PLCG2: variants seen among roughly 807,000 people sequenced by gnomAD.
The protein encoded by PLCG2 is phospholipase C gamma 2, also known as 1-phosphatidylinositol 4,5-bisphosphate phosphodiesterase gamma-2.
A neutral mutation model predicts 175.6 loss-of-function variants in PLCG2; 69 were observed. The ratio of observed to expected loss-of-function variants is 0.39; its 90% CI spans 0.32 to 0.48. PLCG2 has a LOEUF of 0.48. Ranked by LOEUF, PLCG2 falls within the 20% of genes least tolerant of loss-of-function variation. The pLI is 0.91. For missense variants in PLCG2, 1,798 were observed against 1,650.9 expected (o/e 1.09, Z -1.54); for synonymous variants, 827 against 624.0 (o/e 1.33, Z -4.85).
intron 13 of PLCG2, among the ~76,000 whole-genome samples, chr16:81,900,398 T>G (rs1207431751): frequency 2.6e-5 from 4 of 152,238 alleles, no homozygotes; most frequent in African/African-American, 9.6e-5. Context: ...ATGGGGAAGC[T>G]CCTGAATCAG....
In PLCG2 at chr16:81,961,345, G is replaced by C. The variant is rs1265364051; in HGVS notation, c.*3347G>C. The C allele has an allele frequency of 4.4e-6, 1 of 225,662 alleles. No homozygotes were observed. Among genetic ancestry groups the C allele is most frequent in the African/African-American group, 2.2e-5 (1 of 44,898 alleles). 14.0% of individuals were successfully genotyped at this position (225,662 alleles called of 1,614,324 possible). A position where few individuals can be genotyped will look rare whatever the true frequency, so the allele number is the denominator to read the frequency against. Reference sequence around the variant, plus strand: ...CAATCTACATAGATGAAATAATTGTGGAGAAAAGCCCTCTTTATCTCATTA... The same window carrying C: ...CAATCTACATAGATGAAATAATTGTCGAGAAAAGCCCTCTTTATCTCATTA... On this transcript the variant is annotated 3_prime_UTR_variant, in exon 33 of 33. Transcript: ENST00000564138.
At chr16:81,942,527 C>T (rs1427848813) in intron 30 of PLCG2, among the ~76,000 whole-genome samples, 2 of 152,196 alleles carry the variant, frequency 1.3e-5, no homozygotes, top group Non-Finnish European at 2.9e-5. Context: ...ATAAACTTCA[C>T]CCATTGTCAT....
chr16:81,803,197 C>G (rs976342751), intron 2 of PLCG2, among the ~76,000 whole-genome samples: 1 of 148,472 alleles, frequency 6.7e-6, no homozygotes, highest in East Asian at 2.1e-4. Context: ...CGGCTCACTG[C>G]AAGCTCTGCC....
chr16:81,928,527 C>G (rs1285179149), intron 23 of PLCG2, 31 bp from the exon 24 acceptor site: 1 of 1,406,342 alleles, frequency 7.1e-7, no homozygotes, highest in Admixed American at 1.7e-5. Flanking sequence ...CCCGTTACAA[C>G]TAACGTGAGT....
chr16:81,925,135 GA>G (rs1910210186), intron 22 of PLCG2, among the ~76,000 whole-genome samples: 1 of 152,242 alleles, frequency 6.6e-6, no homozygotes, highest in African/African-American at 2.4e-5. Context: ...GCAGTTCTCT[GA>G]ATTTCGAAGG....
At chr16:81,874,855 A>G (rs1045332696) in intron 7 of PLCG2, among the ~76,000 whole-genome samples, 1 of 150,896 alleles carries the variant, frequency 6.6e-6, no homozygotes, top group African/African-American at 2.4e-5. Flanking sequence ...GTGAGGGGAT[A>G]TACCTCTAAC....
At chr16:81,775,796 A>G (rs929652408), upstream of PLCG2, among the ~76,000 whole-genome samples, 10 of 152,216 alleles carry the variant, frequency 6.6e-5, no homozygotes, top group African/African-American at 2.2e-4. Flanking sequence ...TTTGTAGGAA[A>G]AGGAAAAGAA....
chr16:81,778,032 CAA>C (rs566484508), upstream of PLCG2, among the ~76,000 whole-genome samples: 2 of 58,710 alleles, frequency 3.4e-5, no homozygotes, highest in Non-Finnish European at 5.8e-5. Context: ...AAAAAAAAAA[CAA>C]AAAAAAAACA....
intron 9 of PLCG2, among the ~76,000 whole-genome samples, chr16:81,886,274 A>T (rs1409530775): frequency 6.6e-6 from 1 of 152,204 alleles, no homozygotes; most frequent in Non-Finnish European, 1.5e-5. Flanking sequence ...TGGGGCCAGG[A>T]GAAAGTGTAG....
chr16:81,810,631 C>T (rs540680790), intron 2 of PLCG2, among the ~76,000 whole-genome samples: 1 of 118,324 alleles, frequency 8.5e-6, no homozygotes, highest in African/African-American at 3.2e-5. Flanking sequence ...GCCTTATTTT[C>T]TGCAATTTCT....
chr16:81,802,149 T>C (rs997313132), intron 2 of PLCG2, among the ~76,000 whole-genome samples: 4 of 125,568 alleles, frequency 3.2e-5, no homozygotes, highest in African/African-American at 1.2e-4. Flanking sequence ...ATCTCGCTCT[T>C]TCGCCCAGGC....
chr16:81,757,996 G>A (rs775824833), intron 2 of PLCG2, among the ~76,000 whole-genome samples: 2 of 151,996 alleles, frequency 1.3e-5, no homozygotes, highest in African/African-American at 2.4e-5. Context: ...TGTTTTTTGA[G>A]GCACTGTCTC....
intron 2 of PLCG2, among the ~76,000 whole-genome samples, chr16:81,762,378 G>A (rs149267608): frequency 5.9e-5 from 9 of 151,980 alleles, no homozygotes; most frequent in Non-Finnish European, 1.2e-4. Flanking sequence ...AGACCAGCCT[G>A]GCCAACATGG....
intron 1 of PLCG2, among the ~76,000 whole-genome samples, chr16:81,742,847 T>C (rs922580911): frequency 6.6e-6 from 1 of 152,216 alleles, no homozygotes; most frequent in Non-Finnish European, 1.5e-5. Context: ...TCCTCCCAGC[T>C]TTGAAGTTCT....
intron 5 of PLCG2, among the ~76,000 whole-genome samples, chr16:81,868,898 T>C (rs1347896269): frequency 1.3e-5 from 2 of 152,124 alleles, no homozygotes; most frequent in Non-Finnish European, 2.9e-5. Context: ...GGCATCACTG[T>C]ACGCTATAAA....
chr16:81,782,506 G>T (rs568498394), intron 1 of PLCG2, among the ~76,000 whole-genome samples: 1 of 152,232 alleles, frequency 6.6e-6, no homozygotes, highest in Non-Finnish European at 1.5e-5. Flanking sequence ...TTGATAAAGC[G>T]TGGAACGCTG....
At chr16:81,810,849 A>C (rs539697597) in intron 2 of PLCG2, among the ~76,000 whole-genome samples, 1 of 152,292 alleles carries the variant, frequency 6.6e-6, no homozygotes, top group South Asian at 2.1e-4. Context: ...GGGAGAGGCA[A>C]GCACAACATT....
In PLCG2 at chr16:81,962,147, C is replaced by T. The variant is rs568339845; in HGVS notation, c.*4149C>T. 13 of 185,876 alleles carry T rather than the reference C, an allele frequency of 7.0e-5. No homozygotes were observed. Among genetic ancestry groups the T allele is most frequent in the Admixed American group, 4.4e-4 (7 of 16,056 alleles). The allele number at this position is 185,876 out of a possible 1,614,324, so 11.5% of individuals were successfully genotyped here. On this transcript the variant is annotated 3_prime_UTR_variant, in exon 33 of 33. Coordinates refer to ENST00000564138, the MANE Select transcript of PLCG2 (RefSeq NM_002661.5). ...AGTAGCTGCGCTCCCCTGCTGGAAC[C>T]TCCAAACAAGCTCTCAAGATTGCTG...
chr16:81,863,648 A>G (rs912843595), intron 5 of PLCG2, among the ~76,000 whole-genome samples: 90 of 152,342 alleles, frequency 5.9e-4, no homozygotes, highest in African/African-American at 1.9e-3. Flanking sequence ...CCGGATTGCT[A>G]TACTGTTTTC....
Sources: gnomAD v4.1 joint callset for allele counts (sites outside exome capture counted in the v4.1 genomes callset) on GRCh38, gnomAD v4.1.1 for gene constraint, MANE v1.5 for transcripts, NCBI Gene and HGNC (gene_info 2026-07-23, HGNC 2026-07-21) for gene names.